Variants in BAHCC1 observed in about 807,000 individuals in gnomAD.
BAHCC1 encodes the protein BAH domain and coiled-coil containing 1, also known as BAH and coiled-coil domain-containing protein 1.
Under a neutral mutation model 88.2 loss-of-function variants are expected in BAHCC1, and 43 were observed. The observed-to-expected ratio is 0.49, with a 90% CI of 0.38 to 0.63. The LOEUF is 0.63. Ranked by LOEUF, BAHCC1 falls within the 20% of genes least tolerant of loss-of-function variation. BAHCC1 has a pLI of 0.00. For synonymous variants in BAHCC1, 1,510 were observed against 745.5 expected (o/e 2.03, Z -16.71); for missense variants, 3,023 against 1,654.8 (o/e 1.83, Z -14.34).
chr17:81,405,917 T>C (rs1304388220), intron 2 of BAHCC1, among the ~76,000 whole-genome samples: 1 of 152,228 alleles, frequency 6.6e-6, no homozygotes, highest in African/African-American at 2.4e-5. Flanking sequence ...TGCCCTCTTT[T>C]GGAGTGGTCT....
rs1555652875 is a variant in BAHCC1 at position 81,442,581 on chromosome 17, C to T, written c.1232C>T (p.Ala411Val). 1.3e-6 allele frequency: 1 copy of T among 769,892 alleles called. No homozygotes were observed. Among genetic ancestry groups the T allele is most frequent in the Non-Finnish European group, 2.4e-6 (1 of 412,692 alleles). 47.7% of individuals were successfully genotyped at this position (769,892 alleles called of 1,614,324 possible). A position where few individuals can be genotyped will look rare whatever the true frequency, so the allele number is the denominator to read the frequency against. The change falls in exon 5 of 28, where the codon GCC (alanine) becomes GTC (valine). Residue 411 changes from alanine to valine, a missense_variant. By Grantham distance (64) the Ala-to-Val change is moderately conservative (BLOSUM62 0). Transcript: ENST00000675386. ...GACAAGGGCCGCCCCTTCCAGGCCG[C>T]CGAGGCCTGTGCCGTGGCAGGGGAG... ...LADKGRPFQA[A>V]EACAVAGEGK...
At position 81,464,043 on chromosome 17, in the gene BAHCC1, T is replaced by G. The variant is rs1555660195; in HGVS notation, c.*226T>G. 1 of 581,464 alleles carries G rather than the reference T, an allele frequency of 1.7e-6. No individual in the cohort carries two copies. The highest frequency in any genetic ancestry group is 3.1e-6 in the Non-Finnish European group (1 of 324,540). 36.0% of individuals were successfully genotyped at this position (581,464 alleles called of 1,614,324 possible). A position where few individuals can be genotyped will look rare whatever the true frequency, so the allele number is the denominator to read the frequency against. On this transcript the variant is annotated 3_prime_UTR_variant, in exon 28 of 28. Coordinates refer to ENST00000675386, the MANE Select transcript of BAHCC1 (RefSeq NM_001377448.1). ...TCCCATCCTCTGCGGAGGGTCGGGCTGTGGCCCTCATGGGTCCCCGGCCCG... is the reference window on the plus strand; with the variant it reads ...TCCCATCCTCTGCGGAGGGTCGGGCGGTGGCCCTCATGGGTCCCCGGCCCG...
At chr17:81,432,192 T>C (rs1598477410) in intron 3 of BAHCC1, among the ~76,000 whole-genome samples, 1 of 152,238 alleles carries the variant, frequency 6.6e-6, no homozygotes, top group African/African-American at 2.4e-5. Flanking sequence ...GTGGCCTTGG[T>C]CACTGGGGAT....
rs369665224 is a variant in BAHCC1, at chr17:81,456,261, C to T, written c.4570-36C>T. On this transcript the variant is annotated intron_variant, in intron 15 of 27. Transcript: ENST00000675386. ...CCCAGGGGCTGTGGTTTGCAGAGGG[C>T]GCCCTGAGAGTGCAGCTGCCCCTCC... is the stretch of plus-strand genomic sequence containing the variant. 78 of 694,728 alleles carry T rather than the reference C, an allele frequency of 1.1e-4. No homozygotes were observed. In the African/African-American group the frequency reaches 1.2e-3, roughly 11 times the overall value. 43.0% of individuals were successfully genotyped at this position (694,728 alleles called of 1,614,324 possible). A position where few individuals can be genotyped will look rare whatever the true frequency, so the allele number is the denominator to read the frequency against.
Position 81,462,010 on chromosome 17 carries a change from C to G in BAHCC1, c.7347C>G (p.Ala2449=), listed in dbSNP as rs782631943. The G allele has an allele frequency of 3.9e-6, 3 of 778,162 alleles. No homozygotes were observed. Among genetic ancestry groups the G allele is most frequent in the Admixed American group, 1.7e-5 (1 of 58,904 alleles). The allele number at this position is 778,162 out of a possible 1,614,324, so 48.2% of individuals were successfully genotyped here. ...CAAAGATCTCAGCCTTCCTGCCCGC[C>G]CGGCAGCTCTGGAAGTGGTCGGGGA... ...NRPKISAFLP[A]RQLWKWSGNP... The change falls in exon 26 of 28, where the codon GCC becomes GCG. Residue 2449 remains alanine (A), a synonymous_variant. Transcript: ENST00000675386.
chr17:81,400,559 G>A (rs1339047945), intron 2 of BAHCC1, among the ~76,000 whole-genome samples: 1 of 152,204 alleles, frequency 6.6e-6, no homozygotes, highest in Non-Finnish European at 1.5e-5. Flanking sequence ...CTCTCAGCCT[G>A]CGGCCCGGGG....
chr17:81,410,593 G>A (rs2063937617), intron 2 of BAHCC1, among the ~76,000 whole-genome samples: 1 of 150,636 alleles, frequency 6.6e-6, no homozygotes, highest in Non-Finnish European at 1.5e-5. Context: ...ACGGGTCGAG[G>A]CACCACGGGT....
intron 2 of BAHCC1, chr17:81,422,769 C>A (rs1274752303): frequency 9.1e-6 from 4 of 441,888 alleles, no homozygotes; most frequent in Non-Finnish European, 1.8e-5. Flanking sequence ...CCAGACCCAA[C>A]TTTTGGACTT....
intron 17 of BAHCC1, 60 bp from the exon 18 acceptor site, chr17:81,458,105 C>T (rs565845762): frequency 5.7e-6 from 4 of 707,106 alleles, no homozygotes; most frequent in South Asian, 4.5e-5. Context: ...GCACAGTCAG[C>T]CCAACCAGCC....
At chr17:81,456,903 CTG>C (rs1346887821) in intron 16 of BAHCC1, among the ~76,000 whole-genome samples, 3 of 151,726 alleles carry the variant, frequency 2.0e-5, no homozygotes, top group Non-Finnish European at 4.4e-5. Context: ...GCCCCTGTGA[CTG>C]TAGCATCCGG....
chr17:81,452,922 T>G, intron 14 of BAHCC1, 71 bp downstream of exon 14: 1 of 642,648 alleles, frequency 1.6e-6, no homozygotes, highest in Non-Finnish European at 2.8e-6. Context: ...GGGAGCAGGG[T>G]CCAGGCTCCC....
intron 14 of BAHCC1, among the ~76,000 whole-genome samples, chr17:81,453,314 T>C (rs528570612): frequency 2.0e-4 from 30 of 152,356 alleles, no homozygotes; most frequent in Admixed American, 1.5e-3. Flanking sequence ...CCGGGCCTGG[T>C]ATAATTGTCC....
At chr17:81,419,753 G>A (rs1555649371) in intron 2 of BAHCC1, among the ~76,000 whole-genome samples, 1 of 151,300 alleles carries the variant, frequency 6.6e-6, no homozygotes, top group East Asian at 1.9e-4. Flanking sequence ...GAAGGGCCTC[G>A]CTGCTTCTCT....
intron 4 of BAHCC1, 147 bp from the exon 5 acceptor site, chr17:81,441,684 A>AT (rs1428376947): frequency 2.6e-5 from 11 of 423,018 alleles, no homozygotes; most frequent in South Asian, 1.9e-4. Flanking sequence ...AAAAAAAAAA[A>AT]AAAAAAGAGC....
chr17:81,402,328 G>A (rs1314148299), intron 2 of BAHCC1: 2 of 152,198 alleles, frequency 1.3e-5, no homozygotes, highest in African/African-American at 4.8e-5. Context: ...TTAAGAGCCA[G>A]AATATTGTAT....
Position 81,456,581 on chromosome 17 carries a change from G to C in BAHCC1, c.4854G>C (p.Glu1618Asp). Residue 1618 changes from glutamate (E) to aspartate (D), a missense_variant, in exon 16 of 28, where the codon GAG (glutamate) becomes GAC (aspartate). By Grantham distance (45) the Glu-to-Asp change is conservative. Transcript: ENST00000675386. ...AGCCCTCCGTGGCTGCGTCCCAGGA[G>C]GCAGGCAAGTTGCTGGCGTGAGTGG... Reference protein sequence around the residue: ...PAQPSVAASQEAGSGYDSEDC... With the variant: ...PAQPSVAASQDAGSGYDSEDC... 1 of 701,218 alleles carries C rather than the reference G, an allele frequency of 1.4e-6. No individual in the cohort carries two copies. The highest frequency in any genetic ancestry group is 2.6e-6 in the Non-Finnish European group (1 of 379,496). 43.4% of individuals were successfully genotyped at this position (701,218 alleles called of 1,614,324 possible).
Position 81,411,184 on chromosome 17 carries a change from G to A in BAHCC1, c.178+11267G>A, listed in dbSNP as rs782731005. The A allele has an allele frequency of 2.1e-5, 11 of 518,200 alleles. No individual in the cohort carries two copies. The highest frequency in any genetic ancestry group is 1.4e-5 in the South Asian group (1 of 71,544). The allele number at this position is 518,200 out of a possible 1,614,324, so 32.1% of individuals were successfully genotyped here. A position where few individuals can be genotyped will look rare whatever the true frequency, so the allele number is the denominator to read the frequency against. ...GTGTCCTGTCTCTGCCCCAGGCTGA[G>A]GCCGAGGGTCTGCGCCACCTGGGCA... On this transcript the variant is annotated intron_variant, in intron 2 of 27. Coordinates refer to ENST00000675386, the MANE Select transcript of BAHCC1 (RefSeq NM_001377448.1). The surrounding 1 kb of genome is among the most constrained non-coding windows in gnomAD (Gnocchi z 6.2).
At chr17:81,426,698 C>A in intron 2 of BAHCC1, 102 bp from the exon 3 acceptor site, 1 of 398,314 alleles carries the variant, frequency 2.5e-6, no homozygotes, top group Non-Finnish European at 4.4e-6. Flanking sequence ...AGATTGGGGC[C>A]TGAGAGTCCC....
chr17:81,437,895 C>T (rs1341676322), intron 3 of BAHCC1, among the ~76,000 whole-genome samples: 1 of 152,190 alleles, frequency 6.6e-6, no homozygotes, highest in African/African-American at 2.4e-5. Flanking sequence ...TCGGGGGAGG[C>T]TGGCCACACC....
Sources: allele counts gnomAD v4.1 joint callset (sites outside exome capture counted in the v4.1 genomes callset), GRCh38; gene constraint gnomAD v4.1.1; non-coding constraint Gnocchi (gnomAD v3.1); transcripts MANE v1.5; gene names NCBI Gene and HGNC (gene_info 2026-07-23, HGNC 2026-07-21).